NTRK2: variants seen among roughly 807,000 people sequenced by gnomAD.
The protein encoded by NTRK2 is neurotrophic receptor tyrosine kinase 2.
NTRK2 carries 13 observed loss-of-function variants against 94.5 expected under a neutral mutation model. The observed-to-expected ratio is 0.14, with a 90% CI of 0.09 to 0.22. NTRK2 has a LOEUF of 0.22. NTRK2 is among the 10% of genes least tolerant of loss of function. The pLI, the probability that NTRK2 is intolerant of heterozygous loss-of-function variation, is 1.00. For synonymous variants in NTRK2, 372 were observed against 407.4 expected, an observed-to-expected ratio of 0.91 and a Z score of 1.05; for missense variants, 639 against 1,071.2, an observed-to-expected ratio of 0.60 and a Z score of 5.63.
chr9:84,787,937 T>C (rs1390540292), intron 12 of NTRK2, among the ~76,000 whole-genome samples: 1 of 152,210 alleles, frequency 6.6e-6, no homozygotes, highest in East Asian at 1.9e-4. Context: ...GGTCATGTTA[T>C]TCACCTTTCT....
intron 12 of NTRK2, among the ~76,000 whole-genome samples, chr9:84,754,429 T>C (rs1463037764): frequency 6.6e-6 from 1 of 152,136 alleles, no homozygotes; most frequent in East Asian, 1.9e-4. Flanking sequence ...TGATAAATCT[T>C]TGGGGATCTA....
At chr9:84,787,801 C>T (rs1200491769) in intron 12 of NTRK2, among the ~76,000 whole-genome samples, 3 of 152,050 alleles carry the variant, frequency 2.0e-5, no homozygotes, top group Non-Finnish European at 4.4e-5. Context: ...ATCTATAAAT[C>T]CCTTGGTATG....
intron 12 of NTRK2, among the ~76,000 whole-genome samples, chr9:84,844,954 A>T (rs369270097): frequency 2.0e-5 from 3 of 152,298 alleles, no homozygotes; most frequent in South Asian, 4.1e-4. Context: ...GTCAAAAAAC[A>T]ATAGATGTTG....
intron 11 of NTRK2, 65 bp from the exon 12 acceptor site, chr9:84,751,921 C>T: frequency 2.5e-6 from 3 of 1,199,422 alleles, no homozygotes; most frequent in Non-Finnish European, 3.7e-6. Flanking sequence ...TCATGATCAT[C>T]ATCACCATAT....
chr9:84,746,239 T>C (rs1442112839), intron 11 of NTRK2, among the ~76,000 whole-genome samples: 1 of 152,242 alleles, frequency 6.6e-6, no homozygotes, highest in Non-Finnish European at 1.5e-5. Context: ...AAAATTTTAT[T>C]GTCCATGAAC....
At chr9:84,703,398 T>C (rs1436953726) in intron 4 of NTRK2, among the ~76,000 whole-genome samples, 1 of 152,236 alleles carries the variant, frequency 6.6e-6, no homozygotes, top group African/African-American at 2.4e-5. Context: ...TAGGACTTGC[T>C]CAGATTCATA....
intron 12 of NTRK2, among the ~76,000 whole-genome samples, chr9:84,857,627 CAAGAAG>C (rs2075129070): frequency 6.6e-6 from 1 of 152,180 alleles, no homozygotes; most frequent in Admixed American, 6.5e-5. Flanking sequence ...GCGGTATGAT[CAAGAAG>C]ATTGTATTCT....
chr9:84,998,751 G>A (rs1830036748), intron 17 of NTRK2, among the ~76,000 whole-genome samples: 1 of 152,144 alleles, frequency 6.6e-6, no homozygotes. Context: ...ACATTATTAT[G>A]TCTTATAATT....
chr9:84,959,943 A>T (rs567212652), intron 17 of NTRK2, among the ~76,000 whole-genome samples: 2 of 152,288 alleles, frequency 1.3e-5, no homozygotes, highest in South Asian at 4.1e-4. Context: ...TCTGTTGATG[A>T]GTGGAGGGCC....
At chr9:84,810,954 T>C in intron 12 of NTRK2, 1 of 1,132,690 alleles carries the variant, frequency 8.8e-7, no homozygotes. Context: ...CTTAATTGCT[T>C]CTGTTTATTA....
At chr9:84,839,062 C>T (rs2074031611) in intron 12 of NTRK2, among the ~76,000 whole-genome samples, 1 of 152,130 alleles carries the variant, frequency 6.6e-6, no homozygotes, top group Admixed American at 6.5e-5. Context: ...TAGTAATTAA[C>T]ACTCACATTT....
chr9:84,976,388 CCTT>C (rs748659564), intron 17 of NTRK2, among the ~76,000 whole-genome samples: 1 of 152,134 alleles, frequency 6.6e-6, no homozygotes, highest in African/African-American at 2.4e-5. Flanking sequence ...TTTATTACCT[CCTT>C]AAAAGCCCTG....
intron 12 of NTRK2, among the ~76,000 whole-genome samples, chr9:84,767,964 T>C (rs182350099): frequency 2.6e-5 from 4 of 152,332 alleles, no homozygotes; most frequent in East Asian, 1.9e-4. Context: ...AAAACCAGCA[T>C]GTTTGAAAAG....
intron 12 of NTRK2, among the ~76,000 whole-genome samples, chr9:84,779,550 G>A (rs928341597): frequency 6.6e-6 from 1 of 152,228 alleles, no homozygotes; most frequent in Non-Finnish European, 1.5e-5. Flanking sequence ...AGACAAATTA[G>A]CTTCAAAAGA....
intron 17 of NTRK2, among the ~76,000 whole-genome samples, chr9:84,998,517 G>A (rs1308038342): frequency 3.3e-5 from 5 of 152,138 alleles, no homozygotes; most frequent in Non-Finnish European, 5.9e-5. Context: ...GTCCTTAGGC[G>A]GCTTTACAAC....
At chr9:84,673,483 G>A (rs1312147579) in intron 2 of NTRK2, among the ~76,000 whole-genome samples, 4 of 152,130 alleles carry the variant, frequency 2.6e-5, no homozygotes, top group South Asian at 2.1e-4. Flanking sequence ...AGTTACGTGC[G>A]TCTATTTTTT....
chr9:84,956,377 AT>A (rs1166501238), intron 17 of NTRK2, among the ~76,000 whole-genome samples: 1 of 152,216 alleles, frequency 6.6e-6, no homozygotes, highest in Admixed American at 6.5e-5. Context: ...CCCCCGGGAT[AT>A]GTTAACTTTG....
chr9:84,724,994 A>G (rs909331158), intron 8 of NTRK2, among the ~76,000 whole-genome samples: 2 of 152,248 alleles, frequency 1.3e-5, no homozygotes, highest in South Asian at 2.1e-4. Context: ...CTAATACAAT[A>G]TACATTTTGA....
intron 2 of NTRK2, among the ~76,000 whole-genome samples, chr9:84,681,880 A>G (rs1039030660): frequency 2.0e-5 from 3 of 152,234 alleles, no homozygotes; most frequent in African/African-American, 7.2e-5. Context: ...AAAGAGGCAT[A>G]TAACTATTAC....
Sources: gnomAD v4.1 joint callset for allele counts (sites outside exome capture counted in the v4.1 genomes callset) on GRCh38, gnomAD v4.1.1 for gene constraint, MANE v1.5 for transcripts, NCBI Gene and HGNC (gene_info 2026-07-23, HGNC 2026-07-21) for gene names.